Variants in NAALADL2 observed in about 807,000 individuals in gnomAD.
NAALADL2 encodes the protein N-acetylated alpha-linked acidic dipeptidase like 2, also known as inactive N-acetylated-alpha-linked acidic dipeptidase-like protein 2.
In NAALADL2, 76 loss-of-function variants were observed where a neutral mutation model predicts 87.2. The observed-to-expected ratio is 0.87, with a 90% CI of 0.72 to 1.05. The LOEUF (loss-of-function observed/expected upper bound fraction) is 1.05, where lower values mean the gene tolerates loss of function less well. Among genes scored for constraint, NAALADL2 ranks in the 50% least tolerant of loss-of-function variants. The pLI is 0.00. For missense variants in NAALADL2, 1,089 were observed against 945.8 expected (o/e 1.15, Z -1.99); for synonymous variants, 354 against 331.0 (o/e 1.07, Z -0.75).
intron 2 of NAALADL2, among the ~76,000 whole-genome samples, chr3:174,556,382 T>G (rs1477895924): frequency 2.0e-5 from 3 of 152,188 alleles, no homozygotes; most frequent in Admixed American, 2.0e-4. Context: ...TCTTTTGCCT[T>G]AGATTTTCGA....
Position 174,975,078 on chromosome 3 carries a change from TC to T in NAALADL2, c.43+115629del, listed in dbSNP as rs1387055601. 2.6e-5 allele frequency among the ~76,000 whole-genome samples: 4 copies of T among 152,290 alleles called. 1 individual carries two copies. The highest frequency in any genetic ancestry group is 2.6e-4 in the Admixed American group (4 of 15,292). On this transcript the variant is annotated intron_variant, in intron 1 of 13. Transcript: ENST00000454872. Reference sequence around the variant, plus strand: ...TTCTTTCAGAGCTGATGCACTAGCATCAGGTTGCCATCTGTCTTTACTTAAT... The same window carrying T: ...TTCTTTCAGAGCTGATGCACTAGCATAGGTTGCCATCTGTCTTTACTTAAT...
intron 2 of NAALADL2, among the ~76,000 whole-genome samples, chr3:174,689,753 TG>T (rs1368602702): frequency 6.6e-6 from 1 of 152,086 alleles, no homozygotes; most frequent in Non-Finnish European, 1.5e-5. Flanking sequence ...GGTATTCAAT[TG>T]GTGGGTGTTG....
At chr3:174,478,383 C>G (rs768443091) in intron 1 of NAALADL2, among the ~76,000 whole-genome samples, 2 of 152,030 alleles carry the variant, frequency 1.3e-5, no homozygotes, top group Non-Finnish European at 2.9e-5. Context: ...TGCAAATACA[C>G]AAATACCTAG....
chr3:174,847,393 A>G (rs1265022110), intron 3 of NAALADL2, among the ~76,000 whole-genome samples: 1 of 152,216 alleles, frequency 6.6e-6, no homozygotes, highest in African/African-American at 2.4e-5. Context: ...CTAATGCCAT[A>G]TAACTCATAA....
At chr3:174,542,282 T>C (rs1358397927) in intron 1 of NAALADL2, among the ~76,000 whole-genome samples, 1 of 152,166 alleles carries the variant, frequency 6.6e-6, no homozygotes, top group South Asian at 2.1e-4. Context: ...TCAGAGAATA[T>C]ACACTCCTCC....
intron 2 of NAALADL2, among the ~76,000 whole-genome samples, chr3:175,116,821 A>G (rs1004973226): frequency 6.6e-6 from 1 of 152,174 alleles, no homozygotes; most frequent in African/African-American, 2.4e-5. Flanking sequence ...CTAAGCCAAA[A>G]GAACAAAGCT....
chr3:175,220,515 T>A (rs1233176328), intron 2 of NAALADL2, among the ~76,000 whole-genome samples: 2 of 152,094 alleles, frequency 1.3e-5, no homozygotes, highest in Non-Finnish European at 2.9e-5. Context: ...TATTCTTATC[T>A]GTTTAATACC....
intron 2 of NAALADL2, among the ~76,000 whole-genome samples, chr3:175,116,494 G>A (rs1725193313): frequency 6.6e-6 from 1 of 151,926 alleles, no homozygotes; most frequent in South Asian, 2.1e-4. Flanking sequence ...TTGCTTCAAA[G>A]AGAATAAAAT....
At chr3:175,773,414 C>T (rs1423233581) in intron 13 of NAALADL2, 1 of 152,002 alleles carries the variant, frequency 6.6e-6, no homozygotes, top group Non-Finnish European at 1.5e-5. Flanking sequence ...CTGCTGGAAC[C>T]TGCTGGTGAT....
intron 2 of NAALADL2, among the ~76,000 whole-genome samples, chr3:174,611,949 C>A (rs887685888): frequency 2.0e-5 from 3 of 151,550 alleles, no homozygotes; most frequent in Admixed American, 2.0e-4. Context: ...TGACGTGCTC[C>A]CTTTAGCATT....
chr3:175,686,783 A>G (rs191860029), intron 11 of NAALADL2, among the ~76,000 whole-genome samples: 1 of 152,258 alleles, frequency 6.6e-6, no homozygotes, highest in East Asian at 1.9e-4. Flanking sequence ...CTATTTGCAA[A>G]ATATATTGCT....
chr3:175,048,712 T>C (rs74744372), intron 1 of NAALADL2, among the ~76,000 whole-genome samples: 1 of 152,148 alleles, frequency 6.6e-6, no homozygotes, highest in African/African-American at 2.4e-5. Flanking sequence ...AGTATTGTTT[T>C]ATTTTAATAT....
chr3:175,634,763 A>G (rs1356383412), intron 11 of NAALADL2, among the ~76,000 whole-genome samples: 3 of 151,996 alleles, frequency 2.0e-5, no homozygotes, highest in Admixed American at 1.3e-4. Context: ...AGGATATTCT[A>G]ATCTGTGTAT....
chr3:174,943,946 A>G (rs1266973650), intron 1 of NAALADL2, among the ~76,000 whole-genome samples: 1 of 152,070 alleles, frequency 6.6e-6, no homozygotes, highest in East Asian at 1.9e-4. Context: ...TAATGGCCCG[A>G]TAGCTCTGGC....
chr3:175,408,178 AG>A (rs1712765975), intron 5 of NAALADL2, among the ~76,000 whole-genome samples: 1 of 152,120 alleles, frequency 6.6e-6, no homozygotes, highest in African/African-American at 2.4e-5. Context: ...TTTTATTTAT[AG>A]GAGAGAACTC....
At chr3:174,837,532 G>C (rs182535863) in intron 3 of NAALADL2, among the ~76,000 whole-genome samples, 180 of 152,266 alleles carry the variant, frequency 1.2e-3, no homozygotes, top group Admixed American at 2.4e-3. Context: ...AGTGGCTCAC[G>C]CCTGTAATCC....
intron 9 of NAALADL2, among the ~76,000 whole-genome samples, chr3:175,496,553 TGTG>T (rs1393023649): frequency 6.6e-6 from 1 of 152,108 alleles, no homozygotes; most frequent in Non-Finnish European, 1.5e-5. Context: ...ACTATTTTGT[TGTG>T]GTGGTGGTTC....
intron 12 of NAALADL2, among the ~76,000 whole-genome samples, chr3:175,742,445 T>G (rs1310581697): frequency 6.6e-6 from 1 of 151,950 alleles, no homozygotes; most frequent in Non-Finnish European, 1.5e-5. Context: ...TCACCCAGGC[T>G]GGAGTGCAGT....
chr3:175,093,151 T>A (rs1441459510), intron 1 of NAALADL2, among the ~76,000 whole-genome samples: 1 of 151,808 alleles, frequency 6.6e-6, no homozygotes, highest in African/African-American at 2.4e-5. Flanking sequence ...AAAAATTGAA[T>A]GGCATTATTA....
Sources: allele counts gnomAD v4.1 joint callset (sites outside exome capture counted in the v4.1 genomes callset), GRCh38; gene constraint gnomAD v4.1.1; transcripts MANE v1.5; gene names NCBI Gene and HGNC (gene_info 2026-07-23, HGNC 2026-07-21).